UNC5D: variants seen among roughly 807,000 people sequenced by gnomAD.
UNC5D encodes the protein netrin receptor UNC5D.
Under a neutral mutation model 105.4 loss-of-function variants are expected in UNC5D, and 39 were observed. The observed-to-expected ratio is 0.37, with a 90% CI of 0.29 to 0.48. The LOEUF is 0.48. UNC5D is among the 20% of genes least tolerant of loss of function. The pLI is 0.98. For synonymous variants in UNC5D, 452 were observed against 450.4 expected, an observed-to-expected ratio of 1.00 and a Z score of -0.04; for missense variants, 991 against 1,202.4, an observed-to-expected ratio of 0.82 and a Z score of 2.60.
chr8:35,494,742 A>G (rs1212979429), intron 1 of UNC5D, among the ~76,000 whole-genome samples: 2 of 152,250 alleles, frequency 1.3e-5, no homozygotes, highest in Non-Finnish European at 2.9e-5. Context: ...GTCGCCATCT[A>G]TAACATGAAA....
intron 1 of UNC5D, among the ~76,000 whole-genome samples, chr8:35,378,277 T>A (rs1272170779): frequency 6.6e-6 from 1 of 152,100 alleles, no homozygotes; most frequent in Non-Finnish European, 1.5e-5. Flanking sequence ...AAACAGAAAA[T>A]TTTCTCTTAT....
intron 4 of UNC5D, among the ~76,000 whole-genome samples, chr8:35,610,675 G>T (rs899039453): frequency 2.0e-5 from 3 of 152,092 alleles, no homozygotes; most frequent in Non-Finnish European, 4.4e-5. Context: ...AGAACCGAGT[G>T]CAATCTCTAC....
chr8:35,600,839 A>G (rs1401746112), intron 4 of UNC5D, among the ~76,000 whole-genome samples: 1 of 151,990 alleles, frequency 6.6e-6, no homozygotes, highest in Non-Finnish European at 1.5e-5. Flanking sequence ...TTTTGTTGCC[A>G]TTGCTTTTGG....
chr8:35,650,872 A>G (rs1358782916), intron 4 of UNC5D, among the ~76,000 whole-genome samples: 1 of 152,158 alleles, frequency 6.6e-6, no homozygotes, highest in Non-Finnish European at 1.5e-5. Flanking sequence ...ACAAATCCTG[A>G]TGGTTTTCAA....
At chr8:35,260,123 A>G (rs1307535869) in intron 1 of UNC5D, among the ~76,000 whole-genome samples, 1 of 152,166 alleles carries the variant, frequency 6.6e-6, no homozygotes, top group Non-Finnish European at 1.5e-5. Flanking sequence ...GTTATTCCTG[A>G]GTGAATTTTG....
intron 1 of UNC5D, among the ~76,000 whole-genome samples, chr8:35,317,065 C>T (rs1012230217): frequency 3.9e-5 from 6 of 152,138 alleles, no homozygotes; most frequent in South Asian, 2.1e-4. Flanking sequence ...AATTTCTCCA[C>T]TTTATAGATA....
At chr8:35,269,339 G>A (rs1408576338) in intron 1 of UNC5D, among the ~76,000 whole-genome samples, 1 of 152,118 alleles carries the variant, frequency 6.6e-6, no homozygotes, top group Non-Finnish European at 1.5e-5. Context: ...CTCTCTGTCT[G>A]GGGTGTGCAC....
chr8:35,416,168 A>C (rs1473488145), intron 1 of UNC5D, among the ~76,000 whole-genome samples: 1 of 152,082 alleles, frequency 6.6e-6, no homozygotes, highest in Non-Finnish European at 1.5e-5. Flanking sequence ...CTATACATCT[A>C]TATACCCACA....
At chr8:35,369,174 GT>G (rs1420872395) in intron 1 of UNC5D, among the ~76,000 whole-genome samples, 2 of 152,112 alleles carry the variant, frequency 1.3e-5, no homozygotes, top group Non-Finnish European at 2.9e-5. Flanking sequence ...TGAGTATACT[GT>G]AATTAAATCA....
chr8:35,298,186 A>C (rs1056774720), intron 1 of UNC5D, among the ~76,000 whole-genome samples: 1 of 152,194 alleles, frequency 6.6e-6, no homozygotes, highest in African/African-American at 2.4e-5. Context: ...AGTAGGATCC[A>C]GGACTCTGTT....
chr8:35,357,589 G>A (rs1801633509), intron 1 of UNC5D, among the ~76,000 whole-genome samples: 2 of 152,052 alleles, frequency 1.3e-5, no homozygotes, highest in African/African-American at 4.8e-5. Context: ...GAATATTACT[G>A]TGTTGGCTTT....
chr8:35,737,051 T>C (rs1829503500), intron 11 of UNC5D, among the ~76,000 whole-genome samples: 1 of 152,190 alleles, frequency 6.6e-6, no homozygotes, highest in Non-Finnish European at 1.5e-5. Flanking sequence ...AACTATGTTT[T>C]ATTTTCCTTG....
intron 4 of UNC5D, among the ~76,000 whole-genome samples, chr8:35,627,664 CA>C (rs1821771581): frequency 6.6e-6 from 1 of 152,154 alleles, no homozygotes; most frequent in South Asian, 2.1e-4. Flanking sequence ...CGCGGTGGCT[CA>C]CGTCTGTAAT....
At chr8:35,486,855 C>A (rs893205023) in intron 1 of UNC5D, among the ~76,000 whole-genome samples, 19 of 152,092 alleles carry the variant, frequency 1.2e-4, no homozygotes, top group African/African-American at 4.6e-4. Flanking sequence ...TCTAATGCAT[C>A]CTCTGAACCA....
At chr8:35,574,638 CAAAT>C (rs1817969521) in intron 3 of UNC5D, among the ~76,000 whole-genome samples, 1 of 152,096 alleles carries the variant, frequency 6.6e-6, no homozygotes, top group African/African-American at 2.4e-5. Flanking sequence ...ATGGCTTTGA[CAAAT>C]AATTTCTTAC....
At chr8:35,622,619 G>A (rs1274984656) in intron 4 of UNC5D, among the ~76,000 whole-genome samples, 1 of 152,050 alleles carries the variant, frequency 6.6e-6, no homozygotes, top group Non-Finnish European at 1.5e-5. Flanking sequence ...CATATACCTT[G>A]GTTCTTGGCA....
intron 1 of UNC5D, among the ~76,000 whole-genome samples, chr8:35,315,996 C>A (rs181386181): frequency 6.6e-6 from 1 of 152,118 alleles, no homozygotes; most frequent in African/African-American, 2.4e-5. Flanking sequence ...ACATGATCAG[C>A]TTTATAGCTT....
At chr8:35,713,944 C>G (rs959137642) in intron 8 of UNC5D, among the ~76,000 whole-genome samples, 8 of 152,220 alleles carry the variant, frequency 5.3e-5, no homozygotes, top group African/African-American at 1.7e-4. Flanking sequence ...TGAAAGAAGT[C>G]CACCCAGAGT....
chr8:35,266,479 T>A (rs1170388080), intron 1 of UNC5D, among the ~76,000 whole-genome samples: 11 of 152,194 alleles, frequency 7.2e-5, no homozygotes, highest in Admixed American at 5.2e-4. Flanking sequence ...TGTTCCAACA[T>A]CTCAGAGCTT....
Sources: gnomAD v4.1 joint callset for allele counts (sites outside exome capture counted in the v4.1 genomes callset) on GRCh38, gnomAD v4.1.1 for gene constraint, MANE v1.5 for transcripts, NCBI Gene and HGNC (gene_info 2026-07-23, HGNC 2026-07-21) for gene names.